CALD1: variants seen among roughly 807,000 people sequenced by gnomAD.
CALD1 encodes caldesmon.
In CALD1, 33 loss-of-function variants were observed where a neutral mutation model predicts 99.9. The observed-to-expected ratio is 0.33, with a 90% confidence interval of 0.25 to 0.44. The LOEUF is 0.44. Ranked by LOEUF, CALD1 falls within the 20% of genes least tolerant of loss-of-function variation. The pLI, the probability that CALD1 is intolerant of heterozygous loss-of-function variation, is 1.00. For missense variants in CALD1, 861 were observed against 962.1 expected (o/e 0.89, Z 1.39); for synonymous variants, 310 against 325.0 (o/e 0.95, Z 0.50).
At chr7:134,726,905 A>G in the CALD1 span, among the ~76,000 whole-genome samples, 1 of 151,986 alleles carries the variant, frequency 6.6e-6, no homozygotes, top group Admixed American at 6.6e-5. Context: ...AGTCACCATC[A>G]CTCCACATCT....
chr7:134,846,154 A>G (rs1401740955), intron 2 of CALD1, among the ~76,000 whole-genome samples: 1 of 152,182 alleles, frequency 6.6e-6, no homozygotes, highest in Non-Finnish European at 1.5e-5. Context: ...CCAGGATGAG[A>G]ATCCTTAATG....
intron 6 of CALD1, among the ~76,000 whole-genome samples, chr7:134,939,954 A>T (rs1305385656): frequency 6.6e-6 from 1 of 151,568 alleles, no homozygotes. Context: ...ACAGAGCAAG[A>T]CTCTGTCTCT....
the CALD1 span, among the ~76,000 whole-genome samples, chr7:134,719,602 G>T: frequency 6.6e-6 from 1 of 152,190 alleles, no homozygotes; most frequent in Non-Finnish European, 1.5e-5. Flanking sequence ...GTTTGCGAGG[G>T]GGGATAGGAG....
chr7:134,903,991 G>A lies in CALD1; in HGVS notation c.72-24763G>A, dbSNP rs182294129. ...TAATCCTAGCACTTTGGGAGTCTGA[G>A]GCAGGCGGATCACCTGAGATCAGGA... is the stretch of plus-strand genomic sequence containing the variant. On this transcript the variant is annotated intron_variant, in intron 3 of 14. Transcript: ENST00000361675. 3.6e-3 allele frequency among the ~76,000 whole-genome samples: 551 copies of A among 152,178 alleles called. 6 individuals carry two copies. Among genetic ancestry groups the A allele is most frequent in the South Asian group, 0.029 (139 of 4,810 alleles).
In CALD1 at chr7:134,755,128, G is replaced by A. The variant is rs1426502422; in HGVS notation, c.-130+10765G>A. On this transcript the variant is annotated intron_variant, in intron 1 of 13. Coordinates refer to the CALD1 transcript ENST00000417172. ...CTATTCTCCTGCCTCAGACTTCTGA[G>A]TAGCTGGGATTACAGGCGCCCACTA... is the stretch of plus-strand genomic sequence containing the variant. Among the ~76,000 whole-genome samples, 3 of 152,210 alleles carry A rather than the reference G, an allele frequency of 2.0e-5. No individual in the cohort carries two copies. The East Asian group carries it at 5.8e-4, about 29-fold the overall frequency.
At chr7:134,784,877 C>G (rs1797247360) in intron 1 of CALD1, among the ~76,000 whole-genome samples, 1 of 152,178 alleles carries the variant, frequency 6.6e-6, no homozygotes, top group Admixed American at 6.5e-5. Flanking sequence ...TTCTGTTGTT[C>G]TATCAACTGG....
At chr7:134,799,673 G>A (rs1034810957) in intron 1 of CALD1, among the ~76,000 whole-genome samples, 7 of 152,144 alleles carry the variant, frequency 4.6e-5, no homozygotes, top group African/African-American at 1.7e-4. Flanking sequence ...GGTTGATAAA[G>A]CAAACACGTG....
intron 3 of CALD1, among the ~76,000 whole-genome samples, chr7:134,887,402 G>A (rs190300203): frequency 6.6e-6 from 1 of 152,272 alleles, no homozygotes; most frequent in Non-Finnish European, 1.5e-5. Flanking sequence ...AGCTGTCTAG[G>A]CAAGATTTTT....
At chr7:134,764,174 T>C in intron 1 of CALD1, among the ~76,000 whole-genome samples, 1 of 152,036 alleles carries the variant, frequency 6.6e-6, no homozygotes, top group Admixed American at 6.6e-5. Context: ...CACCTCTTAA[T>C]TAGGGTAGCA....
chr7:134,769,232 C>T (rs1796856194), intron 1 of CALD1, among the ~76,000 whole-genome samples: 1 of 152,018 alleles, frequency 6.6e-6, no homozygotes, highest in South Asian at 2.1e-4. Flanking sequence ...TTTGACATGT[C>T]TCTTGGCTTA....
chr7:134,927,104 C>T (rs1023666519), intron 3 of CALD1, among the ~76,000 whole-genome samples: 1 of 152,144 alleles, frequency 6.6e-6, no homozygotes, highest in Admixed American at 6.5e-5. Context: ...CAAGCCAGCA[C>T]CCATCCTTTC....
intron 3 of CALD1, among the ~76,000 whole-genome samples, chr7:134,910,090 C>T (rs1032944975): frequency 5.3e-5 from 8 of 151,890 alleles, no homozygotes; most frequent in Non-Finnish European, 1.0e-4. Context: ...TATAGTGTTC[C>T]GATATATTTA....
intron 3 of CALD1, among the ~76,000 whole-genome samples, chr7:134,909,402 G>C (rs1803629932): frequency 6.6e-6 from 1 of 152,234 alleles, no homozygotes; most frequent in South Asian, 2.1e-4. Flanking sequence ...GAGTGCAAAG[G>C]CTGGGCGTGG....
At chr7:134,965,851 A>T (rs551752863) in intron 14 of CALD1, among the ~76,000 whole-genome samples, 75 of 151,312 alleles carry the variant, frequency 5.0e-4, no homozygotes, top group Admixed American at 7.9e-4. Flanking sequence ...AAAAAAAAAA[A>T]ATATTCAAAA....
intron 1 of CALD1, among the ~76,000 whole-genome samples, chr7:134,797,361 C>A (rs1253491143): frequency 1.3e-5 from 2 of 152,130 alleles, no homozygotes; most frequent in Non-Finnish European, 1.5e-5. Flanking sequence ...CTCTTGTTGC[C>A]CTCAGATTTT....
chr7:134,770,421 G>A (rs1176909601), intron 1 of CALD1, among the ~76,000 whole-genome samples: 2 of 152,150 alleles, frequency 1.3e-5, no homozygotes, highest in Admixed American at 6.5e-5. Context: ...CAACAGGGTC[G>A]TTGGCTTTTT....
the CALD1 span, among the ~76,000 whole-genome samples, chr7:134,723,357 G>A: frequency 6.6e-6 from 1 of 152,058 alleles, no homozygotes; most frequent in Non-Finnish European, 1.5e-5. Flanking sequence ...GTATGGCTCA[G>A]AGCCCTACCC....
rs1807109306 is a variant in CALD1 at position 134,948,758 on chromosome 7, A to T, written c.1794+989A>T. Among the ~76,000 whole-genome samples, 4 of 152,258 alleles carry T rather than the reference A, an allele frequency of 2.6e-5. No homozygotes were observed. The South Asian group carries it at 8.3e-4, about 32-fold the overall frequency. On this transcript the variant is annotated intron_variant, in intron 8 of 14. Coordinates refer to ENST00000361675, the MANE Select transcript of CALD1 (RefSeq NM_033138.4). The stretch of plus-strand genomic sequence containing the variant: ...TGAACTGTATGGAAAATTTGGATAC[A>T]TTATTTTGAGGTCTCTTTTAACTCC...
chr7:134,744,605 C>G (rs1437726690), intron 1 of CALD1, among the ~76,000 whole-genome samples: 1 of 151,928 alleles, frequency 6.6e-6, no homozygotes, highest in East Asian at 1.9e-4. Context: ...CTGAATTCCT[C>G]CAGAAACCAA....
Sources: allele counts gnomAD v4.1 joint callset (sites outside exome capture counted in the v4.1 genomes callset), GRCh38; gene constraint gnomAD v4.1.1; transcripts MANE v1.5; gene names NCBI Gene and HGNC (gene_info 2026-07-23, HGNC 2026-07-21).